Variants in C1orf54 observed in about 807,000 individuals in gnomAD.
The protein encoded by C1orf54 is uncharacterized protein C1orf54.
A neutral mutation model predicts 14.7 loss-of-function variants in C1orf54; 12 were observed. The ratio of observed to expected loss-of-function variants is 0.82; its 90% CI spans 0.52 to 1.32. C1orf54 has a LOEUF of 1.32. C1orf54 is among the 40% of genes most tolerant of loss of function. The pLI is 0.00. For synonymous variants in C1orf54, 65 were observed against 56.3 expected (o/e 1.16, Z -0.70); for missense variants, 163 against 162.2 (o/e 1.00, Z -0.03).
rs374183320 is a variant in C1orf54 at position 150,274,230 on chromosome 1, T to C, written c.130+60T>C. 1.7e-5 allele frequency: 21 copies of C among 1,260,250 alleles called. No individual in the cohort carries two copies. The African/African-American group carries it at 3.1e-4, about 19-fold the overall frequency. The allele number at this position is 1,260,250 out of a possible 1,614,324, so 78.1% of individuals were successfully genotyped here. On this transcript the variant is annotated intron_variant, in intron 2 of 5. Coordinates refer to ENST00000369099, the MANE Select transcript of C1orf54 (RefSeq NM_024579.4). Reference sequence around the variant, plus strand: ...TGGAGAGAGGCTTCAGGATATTTAGTTCTGAGACTTTGCTCTTCACTTTGA... The same window carrying C: ...TGGAGAGAGGCTTCAGGATATTTAGCTCTGAGACTTTGCTCTTCACTTTGA...
At chr1:150,279,416 AAAT>A (rs1460763790) in intron 4 of C1orf54, among the ~76,000 whole-genome samples, 1 of 152,216 alleles carries the variant, frequency 6.6e-6, no homozygotes, top group East Asian at 1.9e-4. Flanking sequence ...AATAGATAAA[AAAT>A]AGAAACAATT....
In C1orf54 at chr1:150,279,631, G is replaced by T; in HGVS notation, c.301-12G>T. On this transcript the variant is annotated splice_polypyrimidine_tract_variant and intron_variant, in intron 4 of 5. Coordinates refer to ENST00000369099, the MANE Select transcript of C1orf54 (RefSeq NM_024579.4). ...ACCAGCCTACTGTGTGGGGATGTCG[G>T]TATTTTAGCAGAGTCCAGATCTGAA... is the stretch of plus-strand genomic sequence containing the variant. 3.7e-6 allele frequency: 6 copies of T among 1,604,710 alleles called. No homozygotes were observed. Among genetic ancestry groups the T allele is most frequent in the Non-Finnish European group, 5.1e-6 (6 of 1,175,536 alleles).
At chr1:150,271,182 G>A (rs192124958), upstream of C1orf54, among the ~76,000 whole-genome samples, 44 of 150,794 alleles carry the variant, frequency 2.9e-4, no homozygotes, top group South Asian at 2.3e-3. Context: ...GTGCTATCTC[G>A]GCTCACTGCA....
chr1:150,274,510 G>A (rs1652473371), intron 2 of C1orf54, among the ~76,000 whole-genome samples: 1 of 151,394 alleles, frequency 6.6e-6, no homozygotes, highest in Non-Finnish European at 1.5e-5. Context: ...TGAGGCAGGA[G>A]AATGGCATGA....
upstream of C1orf54, among the ~76,000 whole-genome samples, chr1:150,270,487 CA>C (rs1652116577): frequency 6.6e-6 from 1 of 151,576 alleles, no homozygotes; most frequent in South Asian, 2.1e-4. Flanking sequence ...ACTAAAAATA[CA>C]AAAAATTAGC....
chr1:150,276,908 G>A (rs1652703339), intron 4 of C1orf54, among the ~76,000 whole-genome samples: 1 of 149,476 alleles, frequency 6.7e-6, no homozygotes, highest in African/African-American at 2.5e-5. Flanking sequence ...AACTGATGCT[G>A]ATAAAAAAGA....
Position 150,272,842 on chromosome 1 carries a change from TTTGCTGTGC to T in C1orf54, c.26_34del (p.Phe9_Pro12delinsSer). 1 of 1,614,200 alleles carries T rather than the reference TTTGCTGTGC, an allele frequency of 6.2e-7. No homozygotes were observed. Among genetic ancestry groups the T allele is most frequent in the Non-Finnish European group, 8.5e-7 (1 of 1,180,032 alleles). On this transcript the variant is annotated inframe_deletion, in exon 1 of 6. Coordinates refer to ENST00000369099, the MANE Select transcript of C1orf54 (RefSeq NM_024579.4). ...AATGGATGTCCTCTTTGTAGCCATC[TTTGCTGTGC>T]CACTTATCCTGGGTAAGTCCACTCC...
chr1:150,273,859 T>C (rs1652408914), intron 1 of C1orf54, among the ~76,000 whole-genome samples: 1 of 152,072 alleles, frequency 6.6e-6, no homozygotes, highest in Admixed American at 6.5e-5. Context: ...AGTTCCTGGA[T>C]TGAAAGGGCA....
chr1:150,280,838 G>A lies in C1orf54; in HGVS notation c.*7G>A, dbSNP rs1653048212. ...CTTTCTTTCTCTGCTTTTTTAGGTGGAAGAAGGCTGCTATGACTCTTTGGA... is the reference window on the plus strand; with the variant it reads ...CTTTCTTTCTCTGCTTTTTTAGGTGAAAGAAGGCTGCTATGACTCTTTGGA... On this transcript the variant is annotated 3_prime_UTR_variant, in exon 6 of 6. Transcript: ENST00000369099. 1 of 1,550,094 alleles carries A rather than the reference G, an allele frequency of 6.5e-7. No homozygotes were observed. Among genetic ancestry groups the A allele is most frequent in the Non-Finnish European group, 8.7e-7 (1 of 1,146,842 alleles).
intron 3 of C1orf54, 72 bp from the exon 4 acceptor site, chr1:150,276,450 A>G (rs1652661397): frequency 3.1e-6 from 4 of 1,270,842 alleles, no homozygotes; most frequent in Non-Finnish European, 4.6e-6. Context: ...GAGAACTTTA[A>G]GTAGAGAATC....
upstream of C1orf54, among the ~76,000 whole-genome samples, chr1:150,270,070 G>T (rs934428501): frequency 6.6e-6 from 1 of 151,862 alleles, no homozygotes; most frequent in Non-Finnish European, 1.5e-5. Context: ...AGGAGAGGAG[G>T]GTATTGTAAT....
At chr1:150,268,790 G>T, upstream of C1orf54, 1 of 1,613,410 alleles carries the variant, frequency 6.2e-7, no homozygotes, top group South Asian at 1.1e-5. Flanking sequence ...AAGTGCAGCC[G>T]AAAAACACCG....
intron 4 of C1orf54, 93 bp from the exon 5 acceptor site, chr1:150,279,550 T>G (rs185267345): frequency 8.9e-7 from 1 of 1,123,394 alleles, no homozygotes; most frequent in East Asian, 2.6e-5. Context: ...CAGAGGTTGT[T>G]GTAAAGAGGT....
upstream of C1orf54, chr1:150,272,680 G>A (rs782296094): frequency 4.3e-5 from 35 of 807,990 alleles, no homozygotes; most frequent in Non-Finnish European, 7.0e-5. Context: ...CCAGTAGGCG[G>A]GGAGTTCTGC....
intron 2 of C1orf54, 39 bp from the exon 3 acceptor site, chr1:150,275,702 T>G: frequency 6.6e-7 from 1 of 1,524,222 alleles, no homozygotes; most frequent in Non-Finnish European, 9.1e-7. Flanking sequence ...AGAGTTACAT[T>G]TTTCTTTAAT....
chr1:150,270,992 T>A (rs587767836), upstream of C1orf54, among the ~76,000 whole-genome samples: 38 of 22,048 alleles, frequency 1.7e-3, no homozygotes, highest in Non-Finnish European at 2.7e-3. Flanking sequence ...TGAGACTCCG[T>A]CTCAAAAAAA....
chr1:150,268,843 G>A (rs1560036111), upstream of C1orf54: 8 of 1,584,538 alleles, frequency 5.0e-6, no homozygotes, highest in Non-Finnish European at 6.9e-6. Context: ...GTGGGGGCCT[G>A]ACCAGGACAG....
chr1:150,269,126 A>G (rs1652028753), upstream of C1orf54: 1 of 291,288 alleles, frequency 3.4e-6, no homozygotes, highest in Non-Finnish European at 6.8e-6. Context: ...TGGGAGTTGT[A>G]GTCGCCTTCC....
At chr1:150,276,376 C>G in intron 3 of C1orf54, 146 bp from the exon 4 acceptor site, 1 of 631,934 alleles carries the variant, frequency 1.6e-6, no homozygotes, top group South Asian at 1.9e-5. Flanking sequence ...CAAATCTATG[C>G]AAGCATAGGG....
Sources: allele counts gnomAD v4.1 joint callset (sites outside exome capture counted in the v4.1 genomes callset), GRCh38; gene constraint gnomAD v4.1.1; transcripts MANE v1.5; gene names NCBI Gene and HGNC (gene_info 2026-07-23, HGNC 2026-07-21).